Variants in SCN2A observed in about 807,000 individuals in gnomAD.
SCN2A encodes the protein sodium channel protein type 2 subunit alpha.
In SCN2A, 20 loss-of-function variants were observed where a neutral mutation model predicts 188.7. The observed-to-expected ratio is 0.11, with a 90% CI of 0.07 to 0.15. SCN2A has a LOEUF of 0.15. Ranked by LOEUF, SCN2A falls within the 10% of genes least tolerant of loss-of-function variation. SCN2A has a pLI of 1.00. For missense variants in SCN2A, 1,278 were observed against 2,445.0 expected (o/e 0.52, Z 10.07); for synonymous variants, 804 against 833.1 (o/e 0.97, Z 0.60).
At chr2:165,345,403 CT>C (rs925069893) in intron 16 of SCN2A, among the ~76,000 whole-genome samples, 3 of 152,108 alleles carry the variant, frequency 2.0e-5, no homozygotes, top group Non-Finnish European at 4.4e-5. Context: ...TTAACCACCC[CT>C]AACACCATAT....
chr2:165,350,464 CTTTTTTTT>C (rs71028479), intron 16 of SCN2A, among the ~76,000 whole-genome samples: 2 of 73,848 alleles, frequency 2.7e-5, no homozygotes, highest in African/African-American at 1.2e-4. Flanking sequence ...TGTTTTCTTT[CTTTTTTTT>C]TTTTTTTTTT....
At chr2:165,346,608 G>A (rs1170337051) in intron 16 of SCN2A, among the ~76,000 whole-genome samples, 1 of 152,140 alleles carries the variant, frequency 6.6e-6, no homozygotes, top group Admixed American at 6.5e-5. Context: ...TGACAAATGG[G>A]ATCTAATTAA....
intron 14 of SCN2A, among the ~76,000 whole-genome samples, chr2:165,334,844 T>A (rs781637988): frequency 1.3e-5 from 2 of 151,288 alleles, no homozygotes; most frequent in Non-Finnish European, 3.0e-5. Context: ...GAATACATAA[T>A]CTTGTATTTA....
At chr2:165,243,110 A>G (rs1693691191) in intron 1 of SCN2A, among the ~76,000 whole-genome samples, 1 of 152,212 alleles carries the variant, frequency 6.6e-6, no homozygotes, top group Non-Finnish European at 1.5e-5. Context: ...TCAGTTATCA[A>G]TTTCTTATTC....
intron 14 of SCN2A, among the ~76,000 whole-genome samples, chr2:165,337,769 A>G (rs930750710): frequency 2.0e-5 from 3 of 150,512 alleles, no homozygotes; most frequent in Admixed American, 6.6e-5. Context: ...AGCTGTTACC[A>G]CCAGAACTAC....
intron 14 of SCN2A, among the ~76,000 whole-genome samples, chr2:165,336,216 T>A (rs1391561264): frequency 1.3e-5 from 2 of 151,868 alleles, no homozygotes; most frequent in Admixed American, 6.6e-5. Context: ...TGGGGTAGAG[T>A]TACCACATGA....
chr2:165,328,716 T>C (rs557366627), intron 13 of SCN2A, among the ~76,000 whole-genome samples: 1 of 152,278 alleles, frequency 6.6e-6, no homozygotes, highest in Admixed American at 6.5e-5. Context: ...GACATGGGGT[T>C]GCTTAGGATG....
At chr2:165,303,176 C>T (rs7592445) in intron 3 of SCN2A, among the ~76,000 whole-genome samples, 123,876 of 151,914 alleles carry the variant, frequency 0.82, 50,669 homozygotes, top group Non-Finnish European at 0.84. Context: ...TCTGCTTTGA[C>T]GTGGGGTTTC....
chr2:165,385,706 C>G (rs1701833596), intron 25 of SCN2A, among the ~76,000 whole-genome samples: 1 of 152,078 alleles, frequency 6.6e-6, no homozygotes, highest in Non-Finnish European at 1.5e-5. Flanking sequence ...AGCCTTTTCT[C>G]TAGAATGATG....
intron 13 of SCN2A, among the ~76,000 whole-genome samples, chr2:165,329,380 G>A (rs1698552989): frequency 6.6e-6 from 1 of 152,166 alleles, no homozygotes; most frequent in South Asian, 2.1e-4. Context: ...CAGATTTACT[G>A]TAAGTGATTC....
intron 23 of SCN2A, among the ~76,000 whole-genome samples, chr2:165,378,296 C>T: frequency 6.7e-6 from 1 of 148,352 alleles, no homozygotes. Context: ...CTAGCACCAG[C>T]AGCTAGCTTT....
chr2:165,334,843 A>G (rs1011681616), intron 14 of SCN2A, among the ~76,000 whole-genome samples: 1 of 151,566 alleles, frequency 6.6e-6, no homozygotes, highest in African/African-American at 2.4e-5. Context: ...CGAATACATA[A>G]TCTTGTATTT....
At chr2:165,278,882 A>G (rs978451842) in intron 1 of SCN2A, among the ~76,000 whole-genome samples, 2 of 152,192 alleles carry the variant, frequency 1.3e-5, no homozygotes, top group African/African-American at 2.4e-5. Flanking sequence ...GTGAGTCTTT[A>G]TCACAACACT....
chr2:165,308,580 TTGTTTGCTG>T, intron 4 of SCN2A, 77 bp from the exon 5 acceptor site: 1 of 1,458,014 alleles, frequency 6.9e-7, no homozygotes, highest in Non-Finnish European at 9.5e-7. Context: ...TGTCTAATTT[TTGTTTGCTG>T]TTTATGTCAT....
intron 1 of SCN2A, among the ~76,000 whole-genome samples, chr2:165,279,318 G>A (rs1695483565): frequency 1.3e-5 from 2 of 152,146 alleles, no homozygotes; most frequent in African/African-American, 2.4e-5. Context: ...GTTGAGATAG[G>A]GAAGACAATT....
At chr2:165,387,201 G>A (rs1701921334) in intron 26 of SCN2A, among the ~76,000 whole-genome samples, 185 bp downstream of exon 26, 1 of 152,156 alleles carries the variant, frequency 6.6e-6, no homozygotes, top group African/African-American at 2.4e-5. Flanking sequence ...GAAATGATGA[G>A]TGGAATACAA....
At chr2:165,374,569 A>G in intron 21 of SCN2A, 116 bp from the exon 22 acceptor site, 2 of 1,128,116 alleles carry the variant, frequency 1.8e-6, no homozygotes, top group East Asian at 2.5e-5. Flanking sequence ...TCTACCCAAT[A>G]TTCAACTTTG....
chr2:165,353,467 G>A (rs559804816), intron 16 of SCN2A, among the ~76,000 whole-genome samples: 1 of 152,048 alleles, frequency 6.6e-6, no homozygotes, highest in South Asian at 2.1e-4. Context: ...AGTCAAAATA[G>A]CATCTGTATT....
chr2:165,261,551 C>T (rs1375603534), intron 1 of SCN2A, among the ~76,000 whole-genome samples: 1 of 152,204 alleles, frequency 6.6e-6, no homozygotes, highest in Non-Finnish European at 1.5e-5. Flanking sequence ...CTTTATCTGT[C>T]CTTTTTAAAT....
Sources: gnomAD v4.1 joint callset for allele counts (sites outside exome capture counted in the v4.1 genomes callset) on GRCh38, gnomAD v4.1.1 for gene constraint, MANE v1.5 for transcripts, NCBI Gene and HGNC (gene_info 2026-07-23, HGNC 2026-07-21) for gene names.